The following DCC variants were observed in gnomAD, a reference collection of about 807,000 sequenced individuals.
DCC encodes the protein DCC netrin 1 receptor.
A neutral mutation model predicts 172.5 loss-of-function variants in DCC; 58 were observed. That is an observed-to-expected ratio of 0.34 (90% CI 0.27 to 0.42). The LOEUF is 0.42. DCC is among the 10% of genes least tolerant of loss of function. DCC has a pLI of 1.00. For missense variants in DCC, 1,740 were observed against 1,791.0 expected, an observed-to-expected ratio of 0.97 and a Z score of 0.51; for synonymous variants, 709 against 644.5, an observed-to-expected ratio of 1.10 and a Z score of -1.52.
At chr18:53,300,994 T>TTCCTTTCTTTCTTTCTTTCTTTTC (rs1555649245) in intron 12 of DCC, among the ~76,000 whole-genome samples, 3 of 134,610 alleles carry the variant, frequency 2.2e-5, no homozygotes, top group Non-Finnish European at 3.2e-5. Flanking sequence ...TCTTTCTTTT[T>TTCCTTTCTTTCTTTCTTTCTTTTC]TTTTCTTTTC....
chr18:53,256,542 G>T (rs1001472529), intron 12 of DCC, among the ~76,000 whole-genome samples: 1 of 152,046 alleles, frequency 6.6e-6, no homozygotes, highest in Non-Finnish European at 1.5e-5. Context: ...CATTATTTCT[G>T]AGGGCTCTGT....
chr18:52,801,142 TG>T (rs2037977851), intron 2 of DCC, among the ~76,000 whole-genome samples: 1 of 152,214 alleles, frequency 6.6e-6, no homozygotes, highest in African/African-American at 2.4e-5. Context: ...TACATTCTAC[TG>T]GTCAAAACCC....
intron 15 of DCC, among the ~76,000 whole-genome samples, chr18:53,351,302 TATATATATATATAC>T (rs1457333787): frequency 1.7e-4 from 5 of 29,600 alleles, no homozygotes; most frequent in Admixed American, 6.1e-4. Context: ...TATATATATA[TATATATATATATAC>T]ACTGTATATA....
At chr18:52,609,140 T>C (rs2034197242) in intron 1 of DCC, among the ~76,000 whole-genome samples, 1 of 152,212 alleles carries the variant, frequency 6.6e-6, no homozygotes. Flanking sequence ...AAGGAATATT[T>C]GATTCATATG....
At chr18:52,772,306 G>A (rs1248290564) in intron 2 of DCC, among the ~76,000 whole-genome samples, 1 of 152,166 alleles carries the variant, frequency 6.6e-6, no homozygotes, top group East Asian at 1.9e-4. Flanking sequence ...GATATCAAGA[G>A]AATAATAGCG....
At chr18:52,795,258 A>G (rs1043456082) in intron 2 of DCC, among the ~76,000 whole-genome samples, 1 of 151,940 alleles carries the variant, frequency 6.6e-6, no homozygotes, top group African/African-American at 2.4e-5. Flanking sequence ...TCAGTCCTGA[A>G]CTTTTCTTTA....
At chr18:52,951,840 A>G (rs1052737043) in intron 5 of DCC, among the ~76,000 whole-genome samples, 4 of 152,224 alleles carry the variant, frequency 2.6e-5, no homozygotes, top group African/African-American at 4.8e-5. Context: ...AATTTGTGTT[A>G]TTATTACTAA....
intron 8 of DCC, among the ~76,000 whole-genome samples, chr18:53,173,659 G>T (rs2055047031): frequency 6.6e-6 from 1 of 151,520 alleles, no homozygotes; most frequent in Non-Finnish European, 1.5e-5. Flanking sequence ...CCCAATACAG[G>T]AGCACCAAGA....
Position 52,945,967 on chromosome 18 carries a change from CG to C in DCC, c.985+20601del, listed in dbSNP as rs561133092. Among the ~76,000 whole-genome samples the C allele has an allele frequency of 5.0e-3, 762 of 152,220 alleles. 6 individuals carry two copies. The highest frequency in any genetic ancestry group is 0.018 in the African/African-American group (731 of 41,536). ...CCATTCCTGACTAGTAACAATTGGCCGGGGCTAAGGGGCAACTTCCCTGCTA... is the reference window on the plus strand; with the variant it reads ...CCATTCCTGACTAGTAACAATTGGCCGGGCTAAGGGGCAACTTCCCTGCTA... On this transcript the variant is annotated intron_variant, in intron 5 of 28. Coordinates refer to ENST00000442544, the MANE Select transcript of DCC (RefSeq NM_005215.4).
chr18:53,371,652 G>A (rs999847589), intron 15 of DCC, among the ~76,000 whole-genome samples: 8 of 151,822 alleles, frequency 5.3e-5, no homozygotes, highest in Admixed American at 5.3e-4. Flanking sequence ...GTTATGAGAA[G>A]TGTCAGCCAG....
chr18:53,051,238 AATAC>A (rs1324895759), intron 5 of DCC, among the ~76,000 whole-genome samples: 10 of 152,036 alleles, frequency 6.6e-5, no homozygotes, highest in African/African-American at 2.2e-4. Flanking sequence ...TAAATAAATA[AATAC>A]ATACATGTTC....
chr18:52,972,989 G>GGGTT (rs1206294314), intron 5 of DCC, among the ~76,000 whole-genome samples: 24 of 152,164 alleles, frequency 1.6e-4, no homozygotes, highest in Non-Finnish European at 2.9e-4. Context: ...ACAGAGAAAT[G>GGGTT]GGTTCATTGC....
At chr18:53,333,196 GT>G in intron 14 of DCC, among the ~76,000 whole-genome samples, 2 of 152,308 alleles carry the variant, frequency 1.3e-5, no homozygotes, top group Middle Eastern at 6.8e-3. Flanking sequence ...AGCCTTTAAA[GT>G]TTATAGAGGT....
At chr18:52,929,171 C>T (rs552653282) in intron 5 of DCC, among the ~76,000 whole-genome samples, 5 of 152,144 alleles carry the variant, frequency 3.3e-5, no homozygotes, top group African/African-American at 1.2e-4. Flanking sequence ...CACACCCCAA[C>T]CTTAGGTGCT....
chr18:53,058,136 A>G (rs1222195009), intron 5 of DCC, among the ~76,000 whole-genome samples: 2 of 152,166 alleles, frequency 1.3e-5, no homozygotes, highest in African/African-American at 4.8e-5. Context: ...GATGAATCAT[A>G]TTCACTCTTT....
intron 12 of DCC, among the ~76,000 whole-genome samples, chr18:53,220,220 T>A (rs1003053848): frequency 5.3e-5 from 8 of 152,170 alleles, no homozygotes; most frequent in African/African-American, 1.9e-4. Context: ...GTTTTGTTTT[T>A]TTCTGAAATT....
chr18:52,616,095 C>G (rs2034376476), intron 1 of DCC, among the ~76,000 whole-genome samples: 4 of 152,104 alleles, frequency 2.6e-5, no homozygotes, highest in Admixed American at 2.6e-4. Flanking sequence ...CTGTCAGAAT[C>G]AAGAAACTGA....
At chr18:52,870,870 T>C (rs1307733009) in intron 2 of DCC, among the ~76,000 whole-genome samples, 2 of 152,148 alleles carry the variant, frequency 1.3e-5, no homozygotes, top group East Asian at 3.9e-4. Flanking sequence ...GTCTCCCATG[T>C]TGCATAGCCA....
intron 5 of DCC, among the ~76,000 whole-genome samples, chr18:52,989,364 A>T (rs1248307944): frequency 2.0e-5 from 3 of 152,092 alleles, no homozygotes; most frequent in African/African-American, 7.2e-5. Flanking sequence ...CTCTACTAAA[A>T]ATATAAAAAT....
Sources: allele counts gnomAD v4.1 joint callset (sites outside exome capture counted in the v4.1 genomes callset), GRCh38; gene constraint gnomAD v4.1.1; transcripts MANE v1.5; gene names NCBI Gene and HGNC (gene_info 2026-07-23, HGNC 2026-07-21).